Variants in SEMA5B observed in about 807,000 individuals in gnomAD.
The protein encoded by SEMA5B is semaphorin 5B.
SEMA5B carries 66 observed loss-of-function variants against 135.0 expected under a neutral mutation model. The observed-to-expected ratio is 0.49, with a 90% CI of 0.40 to 0.60. The LOEUF (loss-of-function observed/expected upper bound fraction) is 0.60. Among genes scored for constraint, SEMA5B ranks in the 20% least tolerant of loss-of-function variants. SEMA5B has a pLI of 0.00. For synonymous variants in SEMA5B, 690 were observed against 639.5 expected, an observed-to-expected ratio of 1.08 and a Z score of -1.19; for missense variants, 1,501 against 1,566.3, an observed-to-expected ratio of 0.96 and a Z score of 0.70.
At chr3:123,011,749 G>C (rs771141836) in intron 1 of SEMA5B, among the ~76,000 whole-genome samples, 1 of 152,180 alleles carries the variant, frequency 6.6e-6, no homozygotes, top group Non-Finnish European at 1.5e-5. Context: ...CTGGGAACCA[G>C]TACAGGGCTA....
chr3:122,912,136 T>C, intron 19 of SEMA5B, 36 bp downstream of exon 19: 1 of 1,582,930 alleles, frequency 6.3e-7, no homozygotes, highest in Non-Finnish European at 8.6e-7. Flanking sequence ...GAGGGCTCCA[T>C]GTCGCTTCCC....
intron 8 of SEMA5B, 129 bp downstream of exon 8, chr3:122,927,661 T>C: frequency 1.7e-6 from 1 of 579,220 alleles, no homozygotes; most frequent in Non-Finnish European, 2.7e-6. Flanking sequence ...ACTCTGGACC[T>C]CTTCCTTGAT....
At chr3:123,018,888 C>A (rs1246346028) in intron 1 of SEMA5B, among the ~76,000 whole-genome samples, 1 of 152,174 alleles carries the variant, frequency 6.6e-6, no homozygotes, top group Non-Finnish European at 1.5e-5. Context: ...CTTGGACCTG[C>A]TCAGCTGCAA....
At chr3:122,961,104 T>A (rs529888489) in intron 2 of SEMA5B, 36 bp downstream of exon 2, 11 of 1,570,478 alleles carry the variant, frequency 7.0e-6, no homozygotes, top group Non-Finnish European at 9.5e-6. Flanking sequence ...GTCTGGTACC[T>A]GCTGCAGCCC....
At chr3:122,966,967 C>T (rs919184761) in intron 1 of SEMA5B, among the ~76,000 whole-genome samples, 12 of 151,082 alleles carry the variant, frequency 7.9e-5, no homozygotes, top group African/African-American at 2.9e-4. Flanking sequence ...TCAACACAAC[C>T]TCTGCCTCCT....
Position 122,923,791 on chromosome 3 carries a change from A to G in SEMA5B, c.1137-39T>C, listed in dbSNP as rs1394965676. ...AGTGGTGGCACAGGGCCCTCCCTGT[A>G]AGACCTGGCACCCTCCTCATAAACC... On this transcript the variant is annotated intron_variant, in intron 9 of 22. Coordinates refer to ENST00000357599, the MANE Select transcript of SEMA5B (RefSeq NM_001031702.4). 3.1e-6 allele frequency: 5 copies of G among 1,612,188 alleles called. No homozygotes were observed. In the African/African-American group the frequency reaches 5.3e-5, roughly 17 times the overall value.
chr3:123,005,514 C>A (rs769808321), intron 1 of SEMA5B, among the ~76,000 whole-genome samples: 3 of 152,108 alleles, frequency 2.0e-5, no homozygotes, highest in Non-Finnish European at 2.9e-5. Context: ...GGTGTGCATT[C>A]CCATACCTGG....
Position 122,909,143 on chromosome 3 carries a change from T to C in SEMA5B, c.*1000A>G, listed in dbSNP as rs1402888191. 3 of 152,670 alleles carry C rather than the reference T, an allele frequency of 2.0e-5. No homozygotes were observed. Among genetic ancestry groups the C allele is most frequent in the African/African-American group, 7.2e-5 (3 of 41,458 alleles). The allele number at this position is 152,670 out of a possible 1,614,324, so 9.5% of individuals were successfully genotyped here. On this transcript the variant is annotated 3_prime_UTR_variant, in exon 23 of 23. Transcript: ENST00000357599. ...CTGCCACCCTGGTGCATTGCTCAGA[T>C]TGCCTAGACTATGCAAGAGGAGCCC...
intron 1 of SEMA5B, among the ~76,000 whole-genome samples, chr3:122,988,924 C>A (rs1323124613): frequency 6.6e-6 from 1 of 152,192 alleles, no homozygotes; most frequent in East Asian, 1.9e-4. Flanking sequence ...TGAATGCAGC[C>A]CTTCTGCTCT....
chr3:122,956,523 G>A (rs1940314744), intron 2 of SEMA5B, among the ~76,000 whole-genome samples: 1 of 152,202 alleles, frequency 6.6e-6, no homozygotes, highest in African/African-American at 2.4e-5. Flanking sequence ...GCAATCAAGA[G>A]GCCTGCAGCT....
At chr3:122,965,279 C>T (rs758434705) in intron 1 of SEMA5B, among the ~76,000 whole-genome samples, 29 of 152,204 alleles carry the variant, frequency 1.9e-4, no homozygotes, top group Non-Finnish European at 4.0e-4. Flanking sequence ...CGATAATAAA[C>T]TCCCACATTG....
intron 1 of SEMA5B, among the ~76,000 whole-genome samples, chr3:123,005,041 C>T (rs1942272019): frequency 6.6e-6 from 1 of 152,194 alleles, no homozygotes; most frequent in Non-Finnish European, 1.5e-5. Flanking sequence ...CTCTTGCCTT[C>T]AGGAAGGCCA....
chr3:122,922,183 G>T, intron 11 of SEMA5B, 57 bp downstream of exon 11: 10 of 1,569,964 alleles, frequency 6.4e-6, no homozygotes, highest in Non-Finnish European at 8.7e-6. Context: ...TTGCAGCCCC[G>T]CGCCGTCCCT....
chr3:123,000,849 A>G (rs1942152810), intron 1 of SEMA5B, among the ~76,000 whole-genome samples: 1 of 152,200 alleles, frequency 6.6e-6, no homozygotes, highest in East Asian at 1.9e-4. Context: ...TGGATACCCA[A>G]AACAGCCCCA....
Position 122,926,662 on chromosome 3 carries a change from G to T in SEMA5B, c.866C>A (p.Ala289Glu), listed in dbSNP as rs147943771. Residue 289 changes from alanine to glutamate, a missense_variant, in exon 9 of 23, where the codon GCA (alanine) becomes GAA (glutamate). Around this residue, in one of 2 missense-constraint regions of SEMA5B, gnomAD observed 574 missense variants for 684.7 expected, o/e 0.84. Transcript: ENST00000357599. ...SKWLNEPNFVAAYDIGLFAYF... is the reference protein window; with the variant it reads ...SKWLNEPNFVEAYDIGLFAYF... Reference sequence around the variant, plus strand: ...TGCAAACAGCCCAATATCATAGGCTGCCACGAAGTTTGGCTCTGGGTGGGC... The same window carrying T: ...TGCAAACAGCCCAATATCATAGGCTTCCACGAAGTTTGGCTCTGGGTGGGC... 1 of 1,610,904 alleles carries T rather than the reference G, an allele frequency of 6.2e-7. No individual in the cohort carries two copies. Among genetic ancestry groups the T allele is most frequent in the Non-Finnish European group, 8.5e-7 (1 of 1,177,186 alleles).
At chr3:122,975,884 G>C (rs1941301259) in intron 1 of SEMA5B, 9 of 1,359,260 alleles carry the variant, frequency 6.6e-6, no homozygotes, top group South Asian at 1.4e-5. Context: ...GCATAGCAAG[G>C]ACTCTCCATC....
chr3:122,990,873 G>A (rs893286139), intron 1 of SEMA5B, among the ~76,000 whole-genome samples: 2 of 152,160 alleles, frequency 1.3e-5, no homozygotes, highest in African/African-American at 2.4e-5. Flanking sequence ...AGAACATGAT[G>A]TCTGTCTCAC....
At chr3:122,946,172 C>T (rs996877145) in intron 3 of SEMA5B, among the ~76,000 whole-genome samples, 9 of 152,176 alleles carry the variant, frequency 5.9e-5, no homozygotes, top group South Asian at 2.1e-4. Flanking sequence ...GATTAACCAC[C>T]GTCATTTGTT....
intron 1 of SEMA5B, among the ~76,000 whole-genome samples, chr3:122,998,654 C>G (rs1034898315): frequency 6.6e-6 from 1 of 152,186 alleles, no homozygotes; most frequent in Non-Finnish European, 1.5e-5. Context: ...GCTAGCTACC[C>G]AGCTTCTCAT....
Sources: allele counts gnomAD v4.1 joint callset (sites outside exome capture counted in the v4.1 genomes callset), GRCh38; gene constraint gnomAD v4.1.1; regional missense constraint gnomAD v4.1.1; transcripts MANE v1.5; gene names NCBI Gene and HGNC (gene_info 2026-07-23, HGNC 2026-07-21).